Variants in PCNX2 observed in about 807,000 individuals in gnomAD.
PCNX2 encodes pecanex-like protein 2.
PCNX2 carries 168 observed loss-of-function variants against 223.8 expected under a neutral mutation model. That is an observed-to-expected ratio of 0.75 (90% CI 0.66 to 0.85). The LOEUF (loss-of-function observed/expected upper bound fraction) is 0.85, where lower values mean the gene tolerates loss of function less well. PCNX2 is among the 40% of genes least tolerant of loss of function. PCNX2 has a pLI of 0.00. For synonymous variants in PCNX2, 1,006 were observed against 1,052.6 expected (o/e 0.96, Z 0.86); for missense variants, 2,507 against 2,675.5 (o/e 0.94, Z 1.39).
At chr1:233,176,373 G>C (rs961208516) in intron 17 of PCNX2, among the ~76,000 whole-genome samples, 9 of 151,808 alleles carry the variant, frequency 5.9e-5, no homozygotes, top group African/African-American at 1.9e-4. Flanking sequence ...TTCTTCTCCC[G>C]TGCTCCACCC....
intron 15 of PCNX2, among the ~76,000 whole-genome samples, chr1:233,184,561 ATC>A (rs1679985006): frequency 6.6e-6 from 1 of 152,040 alleles, no homozygotes; most frequent in African/African-American, 2.4e-5. Flanking sequence ...CCTTGCCTAA[ATC>A]TCCTCTCATT....
At chr1:233,217,862 GAC>G in intron 12 of PCNX2, 35 bp downstream of exon 12, 1 of 1,613,212 alleles carries the variant, frequency 6.2e-7, no homozygotes, top group Non-Finnish European at 8.5e-7. Flanking sequence ...AACACAGACA[GAC>G]AAGAAAAGCT....
rs1672225129 is a variant in PCNX2 at position 233,057,261 on chromosome 1, C to T, written c.4106G>A (p.Arg1369Lys). The change falls in exon 24 of 34, where the codon AGA becomes AAA. Residue 1369 changes from arginine to lysine, a missense_variant. Arg to Lys is a conservative substitution (Grantham distance 26). This residue lies in a region of PCNX2 where 1,372 missense variants were observed against 1,509.4 expected (regional missense o/e 0.91). Transcript: ENST00000258229. ...ATCTCTTTCAATTTGGACTGCCAGT[C>T]TTGTGTTGGAATTATCCACTCGCCT... ...NTRRVDNSNT[R>K]LAVQIERDPG... The T allele has an allele frequency of 1.2e-6, 2 of 1,610,378 alleles. No homozygotes were observed. Among genetic ancestry groups the T allele is most frequent in the Non-Finnish European group, 1.7e-6 (2 of 1,177,806 alleles).
intron 28 of PCNX2, among the ~76,000 whole-genome samples, chr1:233,003,003 T>A (rs1337878865): frequency 6.6e-6 from 1 of 151,836 alleles, no homozygotes; most frequent in Non-Finnish European, 1.5e-5. Context: ...CAAAAATTAA[T>A]TCAAGATGGA....
chr1:233,300,137 G>A (rs61823959), upstream of PCNX2, among the ~76,000 whole-genome samples: 8,567 of 152,270 alleles, frequency 0.056, 315 homozygotes, highest in Non-Finnish European at 0.074. Context: ...GATTTGGAGT[G>A]GGATTGTATT....
intron 23 of PCNX2, among the ~76,000 whole-genome samples, chr1:233,060,165 C>T (rs1292623656): frequency 6.6e-6 from 1 of 152,130 alleles, no homozygotes; most frequent in Non-Finnish European, 1.5e-5. Context: ...ACTCTCATAG[C>T]AGCTTTGAAA....
At chr1:233,306,308 ATAGT>A in the PCNX2 span, among the ~76,000 whole-genome samples, 2 of 152,378 alleles carry the variant, frequency 1.3e-5, no homozygotes, top group African/African-American at 2.4e-5. Context: ...TTCAACAACA[ATAGT>A]TAGAGACTTT....
chr1:233,181,261 A>G (rs949919167), intron 15 of PCNX2, among the ~76,000 whole-genome samples: 2 of 148,376 alleles, frequency 1.3e-5, no homozygotes, highest in African/African-American at 2.5e-5. Context: ...GTGCAGTCAT[A>G]CAATCTCAGC....
chr1:233,278,769 A>C (rs1661036528), intron 1 of PCNX2, among the ~76,000 whole-genome samples: 1 of 152,114 alleles, frequency 6.6e-6, no homozygotes, highest in South Asian at 2.1e-4. Flanking sequence ...TCTTGTTGCT[A>C]ACATACCATC....
At chr1:233,298,706 T>TCTC (rs1662209331), upstream of PCNX2, among the ~76,000 whole-genome samples, 1 of 152,080 alleles carries the variant, frequency 6.6e-6, no homozygotes, top group African/African-American at 2.4e-5. Flanking sequence ...CTGGCCAACA[T>TCTC]GATGAAACCC....
chr1:233,211,974 T>C (rs750241), intron 12 of PCNX2: 22,537 of 181,664 alleles, frequency 0.12, 1,617 homozygotes, highest in East Asian at 0.22. Context: ...CCCTGTGACA[T>C]TATGGTCACG....
intron 12 of PCNX2, among the ~76,000 whole-genome samples, chr1:233,212,204 G>A (rs1268960483): frequency 2.6e-5 from 4 of 152,018 alleles, no homozygotes; most frequent in South Asian, 4.1e-4. Context: ...AGCTGGGGGC[G>A]GGCACCCACC....
intron 15 of PCNX2, among the ~76,000 whole-genome samples, chr1:233,185,141 T>A (rs188631132): frequency 3.3e-4 from 50 of 149,288 alleles, no homozygotes; most frequent in African/African-American, 1.2e-3. Flanking sequence ...ATCCCTCAGA[T>A]TGGAGGTTGA....
At chr1:233,086,380 G>A (rs747310006) in intron 23 of PCNX2, among the ~76,000 whole-genome samples, 4 of 152,136 alleles carry the variant, frequency 2.6e-5, no homozygotes, top group African/African-American at 4.8e-5. Flanking sequence ...AGTTCCAGCC[G>A]GGTGCAGTGG....
chr1:233,074,346 G>A (rs1186465264), intron 23 of PCNX2, among the ~76,000 whole-genome samples: 1 of 152,100 alleles, frequency 6.6e-6, no homozygotes. Flanking sequence ...TGTAATCCCA[G>A]CACTTTGGGA....
intron 21 of PCNX2, among the ~76,000 whole-genome samples, chr1:233,117,737 G>A (rs953613145): frequency 5.9e-5 from 9 of 151,592 alleles, no homozygotes; most frequent in Admixed American, 2.6e-4. Context: ...TAGGCCAGGC[G>A]CGGTGGCTCA....
intron 9 of PCNX2, among the ~76,000 whole-genome samples, chr1:233,228,949 A>G (rs1017375628): frequency 6.6e-6 from 1 of 152,244 alleles, no homozygotes; most frequent in African/African-American, 2.4e-5. Context: ...GGAGATTAAA[A>G]AGAAGGGCAA....
Position 233,199,047 on chromosome 1 carries a change from A to C in PCNX2, c.2975-17T>G. ...CAGACACAGCTGGAACACAAACATCAACAGTTCTTTTCTAGACCCGCCATT... is the reference window on the plus strand; with the variant it reads ...CAGACACAGCTGGAACACAAACATCCACAGTTCTTTTCTAGACCCGCCATT... On this transcript the variant is annotated splice_polypyrimidine_tract_variant and intron_variant, in intron 14 of 33. Coordinates refer to ENST00000258229, the MANE Select transcript of PCNX2 (RefSeq NM_014801.4). 6.5e-7 allele frequency: 1 copy of C among 1,548,182 alleles called. No homozygotes were observed. Among genetic ancestry groups the C allele is most frequent in the Non-Finnish European group, 8.7e-7 (1 of 1,146,866 alleles).
Position 233,258,809 on chromosome 1 carries a change from A to G in PCNX2, c.1053T>C (p.Asp351=). Residue 351 remains aspartate (D), a synonymous_variant, in exon 5 of 34, where the codon GAT becomes GAC. Transcript: ENST00000258229. The part of the protein sequence containing the change: ...LPLHQEVDSS[D]SEVAVTLIDT... Reference sequence around the variant, plus strand: ...CGATGAGAGTAACAGCTACCTCACTATCTGAGGAGTCCACTTCCTGGTGCA... The same window carrying G: ...CGATGAGAGTAACAGCTACCTCACTGTCTGAGGAGTCCACTTCCTGGTGCA... 2 of 1,613,866 alleles carry G rather than the reference A, an allele frequency of 1.2e-6. No homozygotes were observed. Among genetic ancestry groups the G allele is most frequent in the Non-Finnish European group, 1.7e-6 (2 of 1,179,852 alleles).
Sources: allele counts gnomAD v4.1 joint callset (sites outside exome capture counted in the v4.1 genomes callset), GRCh38; gene constraint gnomAD v4.1.1; regional missense constraint gnomAD v4.1.1; transcripts MANE v1.5; gene names NCBI Gene and HGNC (gene_info 2026-07-23, HGNC 2026-07-21).